Variants in SRRM2 observed in about 807,000 individuals in gnomAD.
SRRM2 encodes serine/arginine repetitive matrix protein 2.
SRRM2 carries 30 observed loss-of-function variants against 213.8 expected under a neutral mutation model. The ratio of observed to expected loss-of-function variants is 0.14; its 90% confidence interval spans 0.10 to 0.19. The LOEUF is 0.19. Ranked by LOEUF, SRRM2 falls within the 10% of genes least tolerant of loss-of-function variation. The probability of loss-of-function intolerance (pLI) is 1.00; values close to 1 mark genes in which losing one functional copy is unlikely to be tolerated. For missense variants in SRRM2, 4,904 were observed against 3,647.0 expected (o/e 1.34, Z -8.88); for synonymous variants, 2,025 against 1,377.7 (o/e 1.47, Z -10.40).
At position 2,766,607 on chromosome 16, in the gene SRRM2, C is replaced by T. The variant is rs1463485496; in HGVS notation, c.6079C>T (p.Arg2027Trp). The T allele has an allele frequency of 9.9e-6, 16 of 1,613,838 alleles. No homozygotes were observed. Among genetic ancestry groups the T allele is most frequent in the South Asian group, 3.3e-5 (3 of 91,068 alleles). The change falls in exon 11 of 15, where the codon CGG becomes TGG. Residue 2027 changes from arginine to tryptophan, a missense_variant. Transcript: ENST00000301740. This position sits in a 1 kb window ranked among gnomAD's most constrained non-coding sequence, Gnocchi z 7.0. ...RSRSRTPPAI[R>W]RRSRSRTPLL... ...TAGGTCCCGGACACCTCCAGCTATT[C>T]GGCGCCGCTCTAGATCTCGAACGCC...
Position 2,760,376 on chromosome 16 carries a change from C to G in SRRM2, c.909C>G (p.Arg303=), listed in dbSNP as rs144156460. ...GRSPSPASGR[R]GEGDAPFSEP... is the part of the protein sequence containing the mutation. Reference sequence around the variant, plus strand: ...GTCCTTCCCCTGCTTCAGGGCGACGCGGGGAGGGAGATGCGCCTTTCAGTG... The same window carrying G: ...GTCCTTCCCCTGCTTCAGGGCGACGGGGGGAGGGAGATGCGCCTTTCAGTG... Residue 303 remains arginine, a synonymous_variant, in exon 10 of 15, where the codon CGC becomes CGG. Transcript: ENST00000301740. The G allele has an allele frequency of 8.6e-5, 139 of 1,613,948 alleles. No individual in the cohort carries two copies. Among genetic ancestry groups the G allele is most frequent in the Admixed American group, 8.3e-5 (5 of 59,994 alleles).
chr16:2,754,682 A>G (rs1596257313), intron 1 of SRRM2, among the ~76,000 whole-genome samples: 1 of 152,228 alleles, frequency 6.6e-6, no homozygotes, highest in Non-Finnish European at 1.5e-5. Context: ...AGTGCAGGTC[A>G]AAAACATGCT....
rs2068743245 is a variant in SRRM2, at chr16:2,771,398, T to C, written c.*531T>C. 6.3e-7 allele frequency: 1 copy of C among 1,599,796 alleles called. No individual in the cohort carries two copies. The highest frequency in any genetic ancestry group is 8.6e-7 in the Non-Finnish European group (1 of 1,168,388). On this transcript the variant is annotated 3_prime_UTR_variant, in exon 15 of 15. Coordinates refer to ENST00000301740, the MANE Select transcript of SRRM2 (RefSeq NM_016333.4). ...AGCAACTTTTTCTGTCAAATAAAAA[T>C]GAGAAATGCAGGAACTGGGTCTGTA...
In SRRM2 at chr16:2,763,546, G is replaced by A. The variant is rs1220181092; in HGVS notation, c.3018G>A (p.Gly1006=). Residue 1006 remains glycine, a synonymous_variant, in exon 11 of 15, where the codon GGG becomes GGA. Coordinates refer to ENST00000301740, the MANE Select transcript of SRRM2 (RefSeq NM_016333.4). The part of the protein sequence containing the change: ...YPKVKAQTPP[G]PSLSGSKSPC... ...AAGTAAAGGCCCAAACTCCACCGGG[G>A]CCAAGTCTTTCTGGATCAAAGTCAC... 2.5e-6 allele frequency: 4 copies of A among 1,614,026 alleles called. No individual in the cohort carries two copies. The African/African-American group carries it at 5.3e-5, about 22-fold the overall frequency.
Position 2,763,684 on chromosome 16 carries a change from C to T in SRRM2, c.3156C>T (p.Val1052=), listed in dbSNP as rs781687507. 4.3e-6 allele frequency: 7 copies of T among 1,614,216 alleles called. No homozygotes were observed. The highest frequency in any genetic ancestry group is 5.9e-6 in the Non-Finnish European group (7 of 1,180,054). ...CACCAGGCGAGAGCTATTTTGGTGT[C>T]TCATCTCTGCAACTGAAAGGACAAT... ...STPPGESYFG[V]SSLQLKGQSQ... The change falls in exon 11 of 15, where the codon GTC becomes GTT. Residue 1052 remains valine, a synonymous_variant. Coordinates refer to ENST00000301740, the MANE Select transcript of SRRM2 (RefSeq NM_016333.4).
In SRRM2 at chr16:2,763,137, G is replaced by A. The variant is rs767219624; in HGVS notation, c.2609G>A (p.Arg870Gln). 1.2e-5 allele frequency: 19 copies of A among 1,614,084 alleles called. 1 individual carries two copies. In the South Asian group the frequency reaches 1.4e-4, roughly 12 times the overall value. Residue 870 changes from arginine to glutamine, a missense_variant, in exon 11 of 15, where the codon CGG becomes CAG. Coordinates refer to ENST00000301740, the MANE Select transcript of SRRM2 (RefSeq NM_016333.4). ...GAGCAATCTGTAACGCCACAGAGAC[G>A]GAGCTGTTTTGAATCATCACCTGAC... ...ANEQSVTPQR[R>Q]SCFESSPDPE...
At position 2,766,836 on chromosome 16, in the gene SRRM2, G is replaced by A. The variant is rs200667335; in HGVS notation, c.6308G>A (p.Arg2103Gln). 1.5e-5 allele frequency: 24 copies of A among 1,614,082 alleles called. No individual in the cohort carries two copies. Among genetic ancestry groups the A allele is most frequent in the Admixed American group, 6.7e-5 (4 of 60,018 alleles). ...PPATRNHSGS[R>Q]TPPVALNSSR... is the part of the protein sequence containing the mutation. Reference sequence around the variant, plus strand: ...GCAACAAGAAATCATTCTGGTTCACGGACACCTCCAGTAGCACTCAACAGT... The same window carrying A: ...GCAACAAGAAATCATTCTGGTTCACAGACACCTCCAGTAGCACTCAACAGT... The change falls in exon 11 of 15, where the codon CGG (arginine) becomes CAG (glutamine). Residue 2103 changes from arginine to glutamine, a missense_variant. By Grantham distance (43) the Arg-to-Gln change is conservative. Transcript: ENST00000301740. The surrounding 1 kb of genome is among the most constrained non-coding windows in gnomAD (Gnocchi z 7.0).
In SRRM2 at chr16:2,765,957, T is replaced by C. The variant is rs776086450; in HGVS notation, c.5429T>C (p.Val1810Ala). The C allele has an allele frequency of 6.2e-7, 1 of 1,613,994 alleles. No individual in the cohort carries two copies. Among genetic ancestry groups the C allele is most frequent in the Non-Finnish European group, 8.5e-7 (1 of 1,179,978 alleles). The change falls in exon 11 of 15, where the codon GTT becomes GCT. Residue 1810 changes from valine to alanine, a missense_variant. Val to Ala is a moderately conservative substitution (Grantham distance 64). Coordinates refer to ENST00000301740, the MANE Select transcript of SRRM2 (RefSeq NM_016333.4). ...CAGCGGAGCCGGTCAAGGTCGCGGGTTACTCGGCGGCGGAGGGGAGGCTCT... is the reference window on the plus strand; with the variant it reads ...CAGCGGAGCCGGTCAAGGTCGCGGGCTACTCGGCGGCGGAGGGGAGGCTCT... The part of the protein sequence containing the change: ...RRQRSRSRSR[V>A]TRRRRGGSGY...
chr16:2,760,599 T>A, intron 10 of SRRM2, 100 bp downstream of exon 10: 3 of 1,383,504 alleles, frequency 2.2e-6, no homozygotes, highest in Non-Finnish European at 2.0e-6. Flanking sequence ...TTAAAATAAA[T>A]AAATTCAGTT....
At chr16:2,769,653 C>T (rs1328678977) in intron 12 of SRRM2, 3 of 546,928 alleles carry the variant, frequency 5.5e-6, no homozygotes, top group Non-Finnish European at 7.0e-6. Flanking sequence ...CCCGTCTCCA[C>T]GCCATTCTCT....
Position 2,770,638 on chromosome 16 carries a change from C to T in SRRM2, c.8170C>T (p.Arg2724Cys), listed in dbSNP as rs941249282. Residue 2724 changes from arginine (R) to cysteine (C), a missense_variant, in exon 14 of 15, where the codon CGT (arginine) becomes TGT (cysteine). Transcript: ENST00000301740. Reference sequence around the variant, plus strand: ...TGAGCGGGGTTCCCGGAGAGGCCAGCGTGGGGACAGCCGCTCCCCCAGCCA... The same window carrying T: ...TGAGCGGGGTTCCCGGAGAGGCCAGTGTGGGGACAGCCGCTCCCCCAGCCA... ...SSERGSRRGQRGDSRSPSHKR... is the reference protein window; with the variant it reads ...SSERGSRRGQCGDSRSPSHKR... 18 of 1,552,302 alleles carry T rather than the reference C, an allele frequency of 1.2e-5. No homozygotes were observed. Among genetic ancestry groups the T allele is most frequent in the African/African-American group, 5.5e-5 (4 of 73,118 alleles).
In SRRM2 at chr16:2,752,797, C is replaced by A; in HGVS notation, c.-81C>A. ...CCGAGGGACTCGGGAGCTCGAGCAG[C>A]GGCGGCGGCAAGACCTCTCCCCCTC... On this transcript the variant is annotated 5_prime_UTR_variant, in exon 1 of 15. Coordinates refer to ENST00000301740, the MANE Select transcript of SRRM2 (RefSeq NM_016333.4). 2.9e-6 allele frequency: 1 copy of A among 342,022 alleles called. No homozygotes were observed. Among genetic ancestry groups the A allele is most frequent in the Non-Finnish European group, 5.9e-6 (1 of 168,844 alleles). The allele number at this position is 342,022 out of a possible 1,614,324, so 21.2% of individuals were successfully genotyped here.
At chr16:2,768,358 CT>C in intron 11 of SRRM2, 97 bp downstream of exon 11, 3 of 1,388,098 alleles carry the variant, frequency 2.2e-6, no homozygotes, top group Non-Finnish European at 2.9e-6. Flanking sequence ...GTGCTTGGCT[CT>C]TGGAGGAGGT....
chr16:2,768,914 C>T, intron 11 of SRRM2, 83 bp from the exon 12 acceptor site: 3 of 1,584,746 alleles, frequency 1.9e-6, no homozygotes, highest in South Asian at 2.3e-5. Flanking sequence ...ACCCCTCCCC[C>T]CACTGCCGTT....
intron 11 of SRRM2, chr16:2,768,634 C>T (rs1047627228): frequency 6.6e-5 from 42 of 634,912 alleles, no homozygotes; most frequent in Non-Finnish European, 8.2e-5. Flanking sequence ...CCAGGCAGGA[C>T]GGCCCCTTCC....
intron 1 of SRRM2, among the ~76,000 whole-genome samples, chr16:2,755,320 A>G (rs569472281): frequency 6.6e-6 from 1 of 152,150 alleles, no homozygotes; most frequent in Non-Finnish European, 1.5e-5. Flanking sequence ...GGCAGGGCTG[A>G]GAGAGAAAAA....
chr16:2,753,987 C>T (rs1181322500), intron 1 of SRRM2, among the ~76,000 whole-genome samples: 1 of 152,130 alleles, frequency 6.6e-6, no homozygotes, highest in Non-Finnish European at 1.5e-5. Context: ...TGTTAGCTTA[C>T]CACTCGGATA....
Position 2,764,806 on chromosome 16 carries a change from A to G in SRRM2, c.4278A>G (p.Glu1426=). 6.2e-7 allele frequency: 1 copy of G among 1,614,176 alleles called. No individual in the cohort carries two copies. Among genetic ancestry groups the G allele is most frequent in the Non-Finnish European group, 8.5e-7 (1 of 1,180,030 alleles). Residue 1426 remains glutamate, a synonymous_variant, in exon 11 of 15, where the codon GAA becomes GAG. Transcript: ENST00000301740. ...RERSSSASSP[E]MKDGLPRTPS... ...GAAGTAGTTCTGCATCTTCTCCTGA[A>G]ATGAAAGATGGTTTACCCAGAACTC...
Position 2,768,274 on chromosome 16 carries a change from G to C in SRRM2, c.7733+13G>C, listed in dbSNP as rs1371841559. On this transcript the variant is annotated intron_variant, in intron 11 of 14. Transcript: ENST00000301740. ...TGGCACTGAAGAGGTGAGGGAGCTT[G>C]ACTTTTAGAAATCTTCAGTGGGGGA... 6.5e-7 allele frequency: 1 copy of C among 1,527,326 alleles called. No individual in the cohort carries two copies. The highest frequency in any genetic ancestry group is 8.8e-7 in the Non-Finnish European group (1 of 1,140,708). 94.6% of individuals were successfully genotyped at this position (1,527,326 alleles called of 1,614,324 possible). A position where few individuals can be genotyped will look rare whatever the true frequency, so the allele number is the denominator to read the frequency against.
Sources: allele counts gnomAD v4.1 joint callset (sites outside exome capture counted in the v4.1 genomes callset), GRCh38; gene constraint gnomAD v4.1.1; non-coding constraint Gnocchi (gnomAD v3.1); transcripts MANE v1.5; gene names NCBI Gene and HGNC (gene_info 2026-07-23, HGNC 2026-07-21).